Variants in CELF2 observed in about 807,000 individuals in gnomAD.
CELF2 encodes CUG triplet repeat RNA-binding protein 2.
A neutral mutation model predicts 62.6 loss-of-function variants in CELF2; 8 were observed. That is an observed-to-expected ratio of 0.13 (90% CI 0.07 to 0.23). CELF2 has a LOEUF of 0.23. CELF2 is among the 10% of genes least tolerant of loss of function. CELF2 has a pLI of 1.00. For synonymous variants in CELF2, 258 were observed against 250.0 expected (o/e 1.03, Z -0.30); for missense variants, 333 against 671.0 (o/e 0.50, Z 5.56).
the CELF2 span, among the ~76,000 whole-genome samples, chr10:10,583,594 C>T: frequency 1.9e-4 from 29 of 152,160 alleles, no homozygotes; most frequent in Non-Finnish European, 3.8e-4. Flanking sequence ...GACCAGGTTG[C>T]CGGGGCAGGA....
intron 1 of CELF2, among the ~76,000 whole-genome samples, chr10:10,916,361 G>C (rs917902095): frequency 6.6e-6 from 1 of 152,158 alleles, no homozygotes; most frequent in Non-Finnish European, 1.5e-5. Flanking sequence ...GAAATCATCA[G>C]GTTTTCAGTA....
intron 2 of CELF2, among the ~76,000 whole-genome samples, chr10:11,202,428 G>A (rs540282626): frequency 2.0e-5 from 3 of 152,324 alleles, no homozygotes; most frequent in South Asian, 2.1e-4. Context: ...CAGTGAGATG[G>A]ACACAGTATG....
the CELF2 span, among the ~76,000 whole-genome samples, chr10:10,547,969 A>G: frequency 6.6e-6 from 1 of 152,166 alleles, no homozygotes; most frequent in Non-Finnish European, 1.5e-5. Context: ...CCATTCATAA[A>G]AGGTGCGGCT....
intron 1 of CELF2, among the ~76,000 whole-genome samples, chr10:10,916,656 G>C (rs533909784): frequency 6.6e-6 from 1 of 152,110 alleles, no homozygotes; most frequent in African/African-American, 2.4e-5. Flanking sequence ...TCAGTTACCC[G>C]GAGTGGAGTG....
chr10:10,582,668 A>G, the CELF2 span, among the ~76,000 whole-genome samples: 3 of 152,152 alleles, frequency 2.0e-5, no homozygotes, highest in African/African-American at 2.4e-5. Context: ...AGTACTCTTC[A>G]TATTCTCTGA....
chr10:10,864,438 C>A (rs1338057930), intron 1 of CELF2, among the ~76,000 whole-genome samples: 1 of 152,156 alleles, frequency 6.6e-6, no homozygotes, highest in Non-Finnish European at 1.5e-5. Context: ...GCTGCCGTAA[C>A]AAAATACCAC....
At chr10:10,591,725 G>T in the CELF2 span, among the ~76,000 whole-genome samples, 30 of 152,288 alleles carry the variant, frequency 2.0e-4, no homozygotes, top group East Asian at 5.6e-3. Flanking sequence ...CCATGAATGG[G>T]AATCTGTGGC....
chr10:10,483,855 C>T, the CELF2 span, among the ~76,000 whole-genome samples: 2 of 151,330 alleles, frequency 1.3e-5, no homozygotes, highest in Non-Finnish European at 2.9e-5. Context: ...GCTTGCCTGC[C>T]TGCCTTCCTT....
intron 1 of CELF2, among the ~76,000 whole-genome samples, chr10:11,146,903 T>A (rs1383267404): frequency 1.3e-5 from 2 of 152,148 alleles, no homozygotes; most frequent in Non-Finnish European, 2.9e-5. Context: ...GTAGCCTTGG[T>A]GTGTGACATC....
intron 1 of CELF2, among the ~76,000 whole-genome samples, chr10:11,088,534 T>C (rs1230733640): frequency 1.8e-5 from 2 of 113,490 alleles, no homozygotes; most frequent in Non-Finnish European, 1.8e-5. Flanking sequence ...AGCTACAGAA[T>C]GGACTAGAGG....
intron 1 of CELF2, among the ~76,000 whole-genome samples, chr10:11,124,610 C>A (rs1484697300): frequency 6.6e-6 from 1 of 152,114 alleles, no homozygotes; most frequent in Non-Finnish European, 1.5e-5. Context: ...TTCAGTAAGG[C>A]ATTATCAGTC....
chr10:11,254,159 A>T (rs1488841300), intron 4 of CELF2, among the ~76,000 whole-genome samples: 2 of 152,246 alleles, frequency 1.3e-5, no homozygotes, highest in Non-Finnish European at 2.9e-5. Flanking sequence ...GGACCCTCAG[A>T]ATGGGAATTT....
the CELF2 span, among the ~76,000 whole-genome samples, chr10:10,619,667 G>A: frequency 7.2e-5 from 11 of 152,204 alleles, no homozygotes; most frequent in East Asian, 3.9e-4. Flanking sequence ...AGGGCTGTGC[G>A]CTGATGGGAA....
At chr10:10,702,454 C>T in the CELF2 span, among the ~76,000 whole-genome samples, 1 of 152,180 alleles carries the variant, frequency 6.6e-6, no homozygotes, top group Non-Finnish European at 1.5e-5. Context: ...GTTGTGTCAA[C>T]GTTTGAGCCA....
chr10:10,665,981 C>G, the CELF2 span, among the ~76,000 whole-genome samples: 2 of 152,020 alleles, frequency 1.3e-5, no homozygotes. Flanking sequence ...CCCGGTGATA[C>G]GAAGAGTCAG....
At chr10:10,744,642 G>A in the CELF2 span, among the ~76,000 whole-genome samples, 1 of 151,428 alleles carries the variant, frequency 6.6e-6, no homozygotes, top group South Asian at 2.1e-4. Flanking sequence ...TCTTAAATAT[G>A]CATTTATCTG....
At position 11,333,678 on chromosome 10, in the gene CELF2, A is replaced by AAAT. The variant is rs2096070048; in HGVS notation, c.*4627_*4629dup. Reference sequence around the variant, plus strand: ...AATAATCATTTTGTTTAGAATTACAAAATAGTTTTTAAATATTGTCTGAGA... The same window carrying AAAT: ...AATAATCATTTTGTTTAGAATTACAAAATAATAGTTTTTAAATATTGTCTGAGA... On this transcript the variant is annotated 3_prime_UTR_variant, in exon 13 of 13. Transcript: ENST00000633077. The AAAT allele has an allele frequency of 6.6e-6, 1 of 152,640 alleles. No homozygotes were observed. Among genetic ancestry groups the AAAT allele is most frequent in the Non-Finnish European group, 1.5e-5 (1 of 68,042 alleles). 9.5% of individuals were successfully genotyped at this position (152,640 alleles called of 1,614,324 possible).
intron 2 of CELF2, among the ~76,000 whole-genome samples, chr10:10,921,841 C>T (rs1040345549): frequency 2.0e-5 from 3 of 152,198 alleles, no homozygotes; most frequent in Non-Finnish European, 4.4e-5. Context: ...CAGGCGTGAG[C>T]CCCCGCGCCT....
chr10:10,757,348 A>G, the CELF2 span, among the ~76,000 whole-genome samples: 1 of 152,094 alleles, frequency 6.6e-6, no homozygotes, highest in African/African-American at 2.4e-5. Flanking sequence ...AGTCCCAGCT[A>G]CTCGGGAGGC....
Sources: allele counts gnomAD v4.1 joint callset (sites outside exome capture counted in the v4.1 genomes callset), GRCh38; gene constraint gnomAD v4.1.1; transcripts MANE v1.5; gene names NCBI Gene and HGNC (gene_info 2026-07-23, HGNC 2026-07-21).